DCDC2C: variants seen among roughly 807,000 people sequenced by gnomAD.
DCDC2C encodes doublecortin domain containing 2C, also known as doublecortin domain-containing protein 2C.
In DCDC2C, 44 loss-of-function variants were observed where a neutral mutation model predicts 45.0. The observed-to-expected ratio is 0.98, with a 90% CI of 0.77 to 1.26. The LOEUF (loss-of-function observed/expected upper bound fraction) is 1.26. Ranked by LOEUF, DCDC2C falls within the 50% of genes most tolerant of loss-of-function variation. The probability of loss-of-function intolerance (pLI) is 0.00; values close to 1 mark genes in which losing one functional copy is unlikely to be tolerated. For synonymous variants in DCDC2C, 187 were observed against 178.8 expected, an observed-to-expected ratio of 1.05 and a Z score of -0.37; for missense variants, 447 against 468.9, an observed-to-expected ratio of 0.95 and a Z score of 0.43.
chr2:3,708,176 C>T (rs558618490), intron 1 of DCDC2C, among the ~76,000 whole-genome samples: 9 of 152,182 alleles, frequency 5.9e-5, no homozygotes, highest in Middle Eastern at 3.4e-3. Context: ...GTTTTTGTTC[C>T]GACCTTAGCC....
intron 4 of DCDC2C, among the ~76,000 whole-genome samples, chr2:3,746,513 A>G (rs1014974017): frequency 5.9e-5 from 9 of 152,338 alleles, no homozygotes; most frequent in African/African-American, 2.2e-4. Flanking sequence ...GCCTGCTGGA[A>G]GGAAAAGGTG....
chr2:3,755,884 G>A (rs1669700279), intron 6 of DCDC2C, among the ~76,000 whole-genome samples: 1 of 152,114 alleles, frequency 6.6e-6, no homozygotes, highest in East Asian at 1.9e-4. Flanking sequence ...GTGCATGTGT[G>A]CATATGAATA....
chr2:3,821,228 G>A (rs1208221029), intron 10 of DCDC2C, among the ~76,000 whole-genome samples: 2 of 152,174 alleles, frequency 1.3e-5, no homozygotes, highest in African/African-American at 4.8e-5. Flanking sequence ...GTTAAGGCAG[G>A]AACTAGCCAT....
intron 10 of DCDC2C, among the ~76,000 whole-genome samples, chr2:3,791,051 A>C (rs948664819): frequency 1.3e-5 from 2 of 152,148 alleles, no homozygotes; most frequent in Non-Finnish European, 1.5e-5. Flanking sequence ...CAGAGCTTGC[A>C]GGAGCCGAGA....
chr2:3,836,825 G>A (rs181063465), intron 10 of DCDC2C, among the ~76,000 whole-genome samples: 3,504 of 145,408 alleles, frequency 0.024, 108 homozygotes, highest in African/African-American at 0.077. Context: ...TCGCGCCACT[G>A]CACTCCAGCC....
rs572763665 is a variant in DCDC2C, at chr2:3,757,840, C to A, written c.726+3206C>A. Reference sequence around the variant, plus strand: ...CCACAGTTCCAACAGATCATTGACGCCTCTCCTATAAGCTGTTTAACTTCC... The same window carrying A: ...CCACAGTTCCAACAGATCATTGACGACTCTCCTATAAGCTGTTTAACTTCC... On this transcript the variant is annotated intron_variant, in intron 6 of 10. Coordinates refer to ENST00000399143, the MANE Select transcript of DCDC2C (RefSeq NM_001287444.2). 3.3e-5 allele frequency among the ~76,000 whole-genome samples: 5 copies of A among 152,298 alleles called. No individual in the cohort carries two copies. The East Asian group carries it at 9.6e-4, about 29-fold the overall frequency.
At position 3,757,293 on chromosome 2, in the gene DCDC2C, G is replaced by A. The variant is rs142937335; in HGVS notation, c.726+2659G>A. 3.8e-4 allele frequency among the ~76,000 whole-genome samples: 58 copies of A among 152,076 alleles called. 2 individuals are homozygous for A. The East Asian group carries it at 0.011, about 29-fold the overall frequency. On this transcript the variant is annotated intron_variant, in intron 6 of 10. Transcript: ENST00000399143. ...CCACAACATCTTTTTGGAAAAGAAGGTACAAAATTAAAAAAAAATACAGGC... is the reference window on the plus strand; with the variant it reads ...CCACAACATCTTTTTGGAAAAGAAGATACAAAATTAAAAAAAAATACAGGC...
At chr2:3,771,619 G>GT (rs1038037170) in intron 8 of DCDC2C, among the ~76,000 whole-genome samples, 2 of 152,240 alleles carry the variant, frequency 1.3e-5, no homozygotes, top group African/African-American at 4.8e-5. Context: ...GACCTTGCCT[G>GT]TGTGCCGTTG....
At position 3,751,647 on chromosome 2, in the gene DCDC2C, C is replaced by T. The variant is rs184628069; in HGVS notation, c.546-1116C>T. On this transcript the variant is annotated intron_variant, in intron 4 of 10. Coordinates refer to ENST00000399143, the MANE Select transcript of DCDC2C (RefSeq NM_001287444.2). ...TGGGCAGCTCTGACGCCCAGCTCTG[C>T]GGAGGGATAGGTTCTATAGATTCCT... Among the ~76,000 whole-genome samples, 107 of 152,324 alleles carry T rather than the reference C, an allele frequency of 7.0e-4. 1 individual carries two copies. The highest frequency in any genetic ancestry group is 5.4e-3 in the South Asian group (26 of 4,826).
chr2:3,714,983 GAA>G lies in DCDC2C; in HGVS notation c.339+6387_339+6388del, dbSNP rs549009460. On this transcript the variant is annotated intron_variant, in intron 2 of 10. Transcript: ENST00000399143. The stretch of plus-strand genomic sequence containing the variant: ...ATGAGAAAATATATGTAATTTAAAA[GAA>G]AAACATATTCATAATCCTATCATTC... 1.3e-5 allele frequency among the ~76,000 whole-genome samples: 2 copies of G among 152,150 alleles called. 1 individual carries two copies. The highest frequency in any genetic ancestry group is 4.1e-4 in the South Asian group (2 of 4,828).
intron 10 of DCDC2C, among the ~76,000 whole-genome samples, chr2:3,828,414 C>A (rs940313751): frequency 6.6e-6 from 1 of 152,216 alleles, no homozygotes; most frequent in Non-Finnish European, 1.5e-5. Flanking sequence ...CAGCTCTGGG[C>A]AGCCTGGGGA....
intron 6 of DCDC2C, among the ~76,000 whole-genome samples, chr2:3,760,962 A>G (rs1669864590): frequency 6.6e-6 from 1 of 152,156 alleles, no homozygotes; most frequent in Non-Finnish European, 1.5e-5. Flanking sequence ...GGTTCACTTC[A>G]CTTATTGCTT....
rs901576570 is a variant in DCDC2C at position 3,711,566 on chromosome 2, G to A, written c.339+2966G>A. On this transcript the variant is annotated intron_variant, in intron 2 of 10. Transcript: ENST00000399143. ...TTTTAAACTCTTTTGGGCAACTATA[G>A]CCTCATAGAGTGAGTGCCCAGCAAC... Among the ~76,000 whole-genome samples, 6 of 152,312 alleles carry A rather than the reference G, an allele frequency of 3.9e-5. No homozygotes were observed. In the East Asian group the frequency reaches 1.2e-3, roughly 29 times the overall value.
chr2:3,711,363 A>G (rs917739436), intron 2 of DCDC2C, among the ~76,000 whole-genome samples: 1 of 152,164 alleles, frequency 6.6e-6, no homozygotes, highest in African/African-American at 2.4e-5. Context: ...GCAGCACTAT[A>G]CACAATAGAA....
chr2:3,707,598 A>G (rs1001403716), intron 1 of DCDC2C, among the ~76,000 whole-genome samples: 4 of 152,216 alleles, frequency 2.6e-5, no homozygotes, highest in African/African-American at 9.7e-5. Context: ...TCTCCCTTGG[A>G]AAAAATAGAG....
At chr2:3,829,462 C>T (rs1033007833) in intron 10 of DCDC2C, among the ~76,000 whole-genome samples, 8 of 151,990 alleles carry the variant, frequency 5.3e-5, no homozygotes, top group Admixed American at 2.0e-4. Context: ...GGCAGGCCCT[C>T]GTGGAGAGTG....
At chr2:3,728,130 C>T (rs992980988) in intron 3 of DCDC2C, among the ~76,000 whole-genome samples, 12 of 152,126 alleles carry the variant, frequency 7.9e-5, no homozygotes, top group Non-Finnish European at 1.0e-4. Context: ...CTCGCAGTCC[C>T]GAGAGGCAAG....
intron 4 of DCDC2C, among the ~76,000 whole-genome samples, chr2:3,747,106 C>T (rs357975): frequency 0.54 from 82,075 of 151,936 alleles, 22,739 homozygotes; most frequent in East Asian, 0.74. Flanking sequence ...TTACGATGTT[C>T]TAAGAGCTAA....
At chr2:3,738,540 G>GAAAAA (rs60799536) in intron 3 of DCDC2C, among the ~76,000 whole-genome samples, 19 of 71,998 alleles carry the variant, frequency 2.6e-4, no homozygotes, top group African/African-American at 1.0e-3. Flanking sequence ...GTCTATCTGG[G>GAAAAA]AAAAAAAAAA....
Sources: allele counts gnomAD v4.1 joint callset (sites outside exome capture counted in the v4.1 genomes callset), GRCh38; gene constraint gnomAD v4.1.1; transcripts MANE v1.5; gene names NCBI Gene and HGNC (gene_info 2026-07-23, HGNC 2026-07-21).